DESI1: variants seen among roughly 807,000 people sequenced by gnomAD.
DESI1 encodes the protein PPPDE peptidase domain containing 2.
In DESI1, 17 loss-of-function variants were observed where a neutral mutation model predicts 22.4. That is an observed-to-expected ratio of 0.76 (90% CI 0.52 to 1.14). The LOEUF is 1.14. Among genes scored for constraint, DESI1 ranks in the 50% most tolerant of loss-of-function variants. DESI1 has a pLI of 0.00. For synonymous variants in DESI1, 92 were observed against 84.2 expected (o/e 1.09, Z -0.51); for missense variants, 177 against 208.9 (o/e 0.85, Z 0.94).
At chr22:41,615,282 A>G (rs958328360) in intron 1 of DESI1, among the ~76,000 whole-genome samples, 1 of 150,560 alleles carries the variant, frequency 6.6e-6, no homozygotes, top group Non-Finnish European at 1.5e-5. Flanking sequence ...TAAAAAAAAA[A>G]AAAAAAAAAA....
At chr22:41,611,415 G>C (rs1398552520) in intron 1 of DESI1, among the ~76,000 whole-genome samples, 2 of 152,022 alleles carry the variant, frequency 1.3e-5, no homozygotes, top group Non-Finnish European at 2.9e-5. Flanking sequence ...TTACAGGTGT[G>C]AGCCACTCTA....
intron 3 of DESI1, 72 bp from the exon 4 acceptor site, chr22:41,604,225 G>T: frequency 5.6e-5 from 49 of 873,352 alleles, no homozygotes; most frequent in Non-Finnish European, 8.4e-5. Context: ...GCTTCCCACA[G>T]TAGACCACAA....
At chr22:41,602,365 T>G (rs2067453927) in intron 5 of DESI1, 3 of 985,462 alleles carry the variant, frequency 3.0e-6, no homozygotes, top group Non-Finnish European at 3.6e-6. Context: ...GCTGTGGGAC[T>G]GCAAACTCAT....
Position 41,601,174 on chromosome 22 carries a change from G to A in DESI1, c.430C>T (p.Leu144Phe). The change falls in exon 6 of 6, where the codon CTT becomes TTT. Residue 144 changes from leucine to phenylalanine, a missense_variant. Coordinates refer to ENST00000263256, the MANE Select transcript of DESI1 (RefSeq NM_015704.3). ...TGAATGGAGTCCAGGAGGGGCCGAA[G>A]TGCCTGTCCAAAGGGCCTGCAAGGA... ...EVLSTPFGQA[L>F]RPLLDSIQIQ... 1 of 1,611,296 alleles carries A rather than the reference G, an allele frequency of 6.2e-7. No individual in the cohort carries two copies. Among genetic ancestry groups the A allele is most frequent in the Non-Finnish European group, 8.5e-7 (1 of 1,179,044 alleles).
chr22:41,611,432 C>A (rs2067516396), intron 1 of DESI1, among the ~76,000 whole-genome samples: 1 of 152,046 alleles, frequency 6.6e-6, no homozygotes, highest in Non-Finnish European at 1.5e-5. Flanking sequence ...TCTATGTGGC[C>A]TAACACTGCA....
At position 41,620,779 on chromosome 22, in the gene DESI1, C is replaced by T. The variant is rs1344669766; in HGVS notation, c.61G>A (p.Ala21Thr). ...AGCATGATGGGGCTGAGCCGCCGGG[C>T]CAGGCCTTTGGACAGGTCGTACACG... ...LYVYDLSKGL[A>T]RRLSPIMLGK... Residue 21 changes from alanine (A) to threonine (T), a missense_variant, in exon 1 of 6, where the codon GCC (alanine) becomes ACC (threonine). Physicochemically the swap from Ala to Thr is moderately conservative, Grantham distance 58 (BLOSUM62 0). Coordinates refer to ENST00000263256, the MANE Select transcript of DESI1 (RefSeq NM_015704.3). 2 of 1,612,418 alleles carry T rather than the reference C, an allele frequency of 1.2e-6. No homozygotes were observed. Among genetic ancestry groups the T allele is most frequent in the Non-Finnish European group, 1.7e-6 (2 of 1,179,264 alleles).
intron 1 of DESI1, among the ~76,000 whole-genome samples, 173 bp downstream of exon 1, chr22:41,620,579 C>A (rs1478041786): frequency 6.6e-6 from 1 of 152,200 alleles, no homozygotes; most frequent in African/African-American, 2.4e-5. Context: ...GAGGCTAAAG[C>A]GGGGCTCAGA....
At position 41,620,878 on chromosome 22, in the gene DESI1, C is replaced by A; in HGVS notation, c.-39G>T. On this transcript the variant is annotated 5_prime_UTR_variant, in exon 1 of 6. Transcript: ENST00000263256. ...GACGGCGGCCACGACGGCCCTCGGG[C>A]ACCCGGCAGCGGCTTGGACCTTCCC... is the stretch of plus-strand genomic sequence containing the variant. The A allele has an allele frequency of 6.3e-7, 1 of 1,581,386 alleles. No individual in the cohort carries two copies. The highest frequency in any genetic ancestry group is 8.6e-7 in the Non-Finnish European group (1 of 1,164,228).
chr22:41,612,657 G>A (rs992119350), intron 1 of DESI1, among the ~76,000 whole-genome samples: 3 of 149,950 alleles, frequency 2.0e-5, no homozygotes, highest in South Asian at 2.1e-4. Context: ...GTGCAGTAAC[G>A]CGATCAAAGC....
At chr22:41,604,326 A>C (rs1601509166) in intron 3 of DESI1, 173 bp from the exon 4 acceptor site, 1 of 486,748 alleles carries the variant, frequency 2.1e-6, no homozygotes, top group Non-Finnish European at 3.5e-6. Context: ...GCTCACTGCA[A>C]CCTCCGCCTC....
chr22:41,601,490 A>T (rs895494341), intron 5 of DESI1, among the ~76,000 whole-genome samples: 2 of 152,184 alleles, frequency 1.3e-5, no homozygotes, highest in Non-Finnish European at 2.9e-5. Flanking sequence ...GGCTACATAC[A>T]GAGAACTAGA....
At position 41,600,876 on chromosome 22, in the gene DESI1, T is replaced by C. The variant is rs2067445819; in HGVS notation, c.*221A>G. 1 of 519,906 alleles carries C rather than the reference T, an allele frequency of 1.9e-6. No homozygotes were observed. The allele number at this position is 519,906 out of a possible 1,614,324, so 32.2% of individuals were successfully genotyped here. A position where few individuals can be genotyped will look rare whatever the true frequency, so the allele number is the denominator to read the frequency against. On this transcript the variant is annotated 3_prime_UTR_variant, in exon 6 of 6. Coordinates refer to ENST00000263256, the MANE Select transcript of DESI1 (RefSeq NM_015704.3). ...AAGTGAACGCACAGACAAGACAGCC[T>C]TAATAAATTAGTATAATACTATTAG...
In DESI1 at chr22:41,607,872, A is replaced by C; in HGVS notation, c.89-11T>G. The C allele has an allele frequency of 1.2e-6, 2 of 1,614,148 alleles. No homozygotes were observed. The highest frequency in any genetic ancestry group is 1.7e-6 in the Non-Finnish European group (2 of 1,179,992). On this transcript the variant is annotated splice_polypyrimidine_tract_variant and intron_variant, in intron 1 of 5. Transcript: ENST00000263256. ...CTTCCAGTTGTTTCCCTGTGGAGAGAAGAAGAGATTTAGCCACTTGGGACT... is the reference window on the plus strand; with the variant it reads ...CTTCCAGTTGTTTCCCTGTGGAGAGCAGAAGAGATTTAGCCACTTGGGACT...
At chr22:41,609,821 C>A (rs1031591275) in intron 1 of DESI1, among the ~76,000 whole-genome samples, 1 of 150,846 alleles carries the variant, frequency 6.6e-6, no homozygotes, top group Non-Finnish European at 1.5e-5. Context: ...GGTGTGGTGG[C>A]TCACACCTGT....
chr22:41,603,083 TA>T, intron 5 of DESI1, 175 bp downstream of exon 5: 4 of 933,080 alleles, frequency 4.3e-6, no homozygotes, highest in Non-Finnish European at 4.8e-6. Context: ...AAGGTGGAGG[TA>T]ATACAGGTGC....
chr22:41,608,351 G>A (rs1259697343), intron 1 of DESI1, among the ~76,000 whole-genome samples: 1 of 152,130 alleles, frequency 6.6e-6, no homozygotes, highest in Non-Finnish European at 1.5e-5. Context: ...AAACAGGAAC[G>A]TATCACTTTC....
intron 1 of DESI1, 110 bp downstream of exon 1, chr22:41,620,642 C>T (rs1324490077): frequency 1.8e-6 from 2 of 1,097,038 alleles, no homozygotes; most frequent in South Asian, 1.5e-5. Context: ...TTCCATCCTC[C>T]TGGCCATGTG....
At chr22:41,612,433 C>T (rs886883017) in intron 1 of DESI1, among the ~76,000 whole-genome samples, 5 of 150,428 alleles carry the variant, frequency 3.3e-5, no homozygotes, top group Non-Finnish European at 7.4e-5. Context: ...CACTTGAACC[C>T]GGGAGGTGTT....
At chr22:41,611,294 A>G (rs2067515568) in intron 1 of DESI1, among the ~76,000 whole-genome samples, 1 of 152,034 alleles carries the variant, frequency 6.6e-6, no homozygotes, top group Non-Finnish European at 1.5e-5. Flanking sequence ...CACCATGCCC[A>G]GCTAATTTCT....
Sources: gnomAD v4.1 joint callset for allele counts (sites outside exome capture counted in the v4.1 genomes callset) on GRCh38, gnomAD v4.1.1 for gene constraint, MANE v1.5 for transcripts, NCBI Gene and HGNC (gene_info 2026-07-23, HGNC 2026-07-21) for gene names.